Variants in PHF3 observed in about 807,000 individuals in gnomAD.
PHF3 encodes PHD finger protein 3.
A neutral mutation model predicts 178.4 loss-of-function variants in PHF3; 41 were observed. The observed-to-expected ratio is 0.23, with a 90% CI of 0.18 to 0.30. PHF3 has a LOEUF of 0.30. Among genes scored for constraint, PHF3 ranks in the 10% least tolerant of loss-of-function variants. PHF3 has a pLI of 1.00. For synonymous variants in PHF3, 842 were observed against 800.5 expected, an observed-to-expected ratio of 1.05 and a Z score of -0.88; for missense variants, 2,346 against 2,398.1, an observed-to-expected ratio of 0.98 and a Z score of 0.45.
intron 4 of PHF3, among the ~76,000 whole-genome samples, chr6:63,689,502 A>G (rs1766900615): frequency 6.6e-6 from 1 of 152,196 alleles, no homozygotes; most frequent in Non-Finnish European, 1.5e-5. Flanking sequence ...AACAAAAATG[A>G]TTTAATGTTT....
intron 2 of PHF3, chr6:63,678,989 A>G (rs766130672): frequency 1.2e-4 from 30 of 247,918 alleles, no homozygotes; most frequent in Admixed American, 2.8e-4. Flanking sequence ...CTCATACATC[A>G]TCTCACTTGA....
At position 63,635,860 on chromosome 6, in the gene PHF3, G is replaced by C; in HGVS notation, c.-316G>C. On this transcript the variant is annotated 5_prime_UTR_variant, in exon 1 of 16. Transcript: ENST00000262043. ...CCCGCGCCGCCGCCGCACGCCGATGGCTGCGGGGTCTCGCGCCGTCGCACC... is the reference window on the plus strand; with the variant it reads ...CCCGCGCCGCCGCCGCACGCCGATGCCTGCGGGGTCTCGCGCCGTCGCACC... 1 of 397,170 alleles carries C rather than the reference G, an allele frequency of 2.5e-6. No individual in the cohort carries two copies. Among genetic ancestry groups the C allele is most frequent in the Non-Finnish European group, 4.4e-6 (1 of 225,072 alleles). The allele number at this position is 397,170 out of a possible 1,614,324, so 24.6% of individuals were successfully genotyped here. A position where few individuals can be genotyped will look rare whatever the true frequency, so the allele number is the denominator to read the frequency against.
Position 63,711,627 on chromosome 6 carries a change from A to G in PHF3, c.4039A>G (p.Ile1347Val), listed in dbSNP as rs781711859. The G allele has an allele frequency of 1.3e-6, 2 of 1,598,214 alleles. No individual in the cohort carries two copies. The highest frequency in any genetic ancestry group is 2.3e-5 in the South Asian group (2 of 87,480). ...HRPNLLLGLI[I>V]RQKLKRQHSA... Reference sequence around the variant, plus strand: ...ACCTAATCTATTGTTGGGCTTAATTATTCGTCAGAAACTGAAGCGACAGCA... The same window carrying G: ...ACCTAATCTATTGTTGGGCTTAATTGTTCGTCAGAAACTGAAGCGACAGCA... Residue 1347 changes from isoleucine to valine, a missense_variant, in exon 16 of 16, where the codon ATT (isoleucine) becomes GTT (valine). Ile to Val is a conservative substitution (Grantham distance 29). Coordinates refer to ENST00000262043, the MANE Select transcript of PHF3 (RefSeq NM_001370348.2).
chr6:63,681,696 A>G (rs1023903460), intron 3 of PHF3, among the ~76,000 whole-genome samples: 1 of 152,036 alleles, frequency 6.6e-6, no homozygotes, highest in African/African-American at 2.4e-5. Context: ...CGTTTTAAAC[A>G]GTTTTTGTCT....
Position 63,721,545 on chromosome 6 carries a change from A to G in PHF3, c.*7837A>G. The G allele has an allele frequency of 1.3e-6, 2 of 1,551,758 alleles. No individual in the cohort carries two copies. Among genetic ancestry groups the G allele is most frequent in the Non-Finnish European group, 1.7e-6 (2 of 1,146,874 alleles). On this transcript the variant is annotated 3_prime_UTR_variant, in exon 16 of 16. Coordinates refer to ENST00000262043, the MANE Select transcript of PHF3 (RefSeq NM_001370348.2). ...TATTGCCATGGGATTTACAAGATTTAAAGAAGATACTCCTCCAATATAGAA... is the reference window on the plus strand; with the variant it reads ...TATTGCCATGGGATTTACAAGATTTGAAGAAGATACTCCTCCAATATAGAA...
chr6:63,650,963 T>C (rs539826386), intron 2 of PHF3, among the ~76,000 whole-genome samples: 39 of 152,320 alleles, frequency 2.6e-4, no homozygotes, highest in African/African-American at 9.4e-4. Context: ...GATCTCTGAA[T>C]CCAACTACAC....
chr6:63,653,565 T>A lies in PHF3; in HGVS notation c.244+6770T>A, dbSNP rs1004977831. Among the ~76,000 whole-genome samples the A allele has an allele frequency of 7.2e-5, 11 of 152,290 alleles. No homozygotes were observed. In the East Asian group the frequency reaches 2.1e-3, roughly 29 times the overall value. On this transcript the variant is annotated intron_variant, in intron 2 of 15. Transcript: ENST00000262043. ...ATCCTACAAGTTTAATGAATTTGTTTATAAGTTCTAACAGTGCAGATGTAC... is the reference window on the plus strand; with the variant it reads ...ATCCTACAAGTTTAATGAATTTGTTAATAAGTTCTAACAGTGCAGATGTAC...
chr6:63,712,345 T>C lies in PHF3; in HGVS notation c.4757T>C (p.Val1586Ala). The C allele has an allele frequency of 6.2e-7, 1 of 1,613,364 alleles. No individual in the cohort carries two copies. The highest frequency in any genetic ancestry group is 1.1e-5 in the South Asian group (1 of 91,006). The change falls in exon 16 of 16, where the codon GTG (valine) becomes GCG (alanine). Residue 1586 changes from valine to alanine, a missense_variant. Val to Ala is a moderately conservative substitution (Grantham distance 64). Coordinates refer to ENST00000262043, the MANE Select transcript of PHF3 (RefSeq NM_001370348.2). ...LSIQSKQEETVESKEKTLKRQ... is the reference protein window; with the variant it reads ...LSIQSKQEETAESKEKTLKRQ... ...ATTCAGTCAAAACAAGAGGAAACTG[T>C]GGAGAGTAAAGAGAAAACATTAAAA...
In PHF3 at chr6:63,663,138, G is replaced by T. The variant is rs894205610; in HGVS notation, c.244+16343G>T. ...GCCTCATAATTACTAATTTTTTTCTGTCAGGAAGCAAAGTAAATAATAAAA... is the reference window on the plus strand; with the variant it reads ...GCCTCATAATTACTAATTTTTTTCTTTCAGGAAGCAAAGTAAATAATAAAA... On this transcript the variant is annotated intron_variant, in intron 2 of 15. Coordinates refer to ENST00000262043, the MANE Select transcript of PHF3 (RefSeq NM_001370348.2). 2.0e-5 allele frequency among the ~76,000 whole-genome samples: 3 copies of T among 151,962 alleles called. No individual in the cohort carries two copies. The East Asian group carries it at 5.8e-4, about 29-fold the overall frequency.
At chr6:63,702,455 C>T in intron 9 of PHF3, 53 bp from the exon 10 acceptor site, 4 of 1,265,014 alleles carry the variant, frequency 3.2e-6, no homozygotes, top group Non-Finnish European at 4.3e-6. Flanking sequence ...AAGGTGTACA[C>T]TTGGAAATAC....
chr6:63,702,611 A>G lies in PHF3; in HGVS notation c.3203A>G (p.Lys1068Arg), dbSNP rs1352719589. The change falls in exon 10 of 16, where the codon AAA becomes AGA. Residue 1068 changes from lysine (K) to arginine (R), a missense_variant. By Grantham distance (26) the Lys-to-Arg change is conservative. This residue lies in a region of PHF3 where 205 missense variants were observed against 212.4 expected (regional missense o/e 0.97). Transcript: ENST00000262043. ...EIEIESDAPM[K>R]EQEAAMEIQE... is the part of the protein sequence containing the mutation. ...GAAATTGAGAGTGATGCCCCAATGAAAGAACAGGAAGCAGCCATGGAGATT... is the reference window on the plus strand; with the variant it reads ...GAAATTGAGAGTGATGCCCCAATGAGAGAACAGGAAGCAGCCATGGAGATT... The G allele has an allele frequency of 1.2e-6, 2 of 1,612,968 alleles. No individual in the cohort carries two copies. The highest frequency in any genetic ancestry group is 8.5e-7 in the Non-Finnish European group (1 of 1,179,366).
At chr6:63,672,285 C>T (rs879876738) in intron 2 of PHF3, among the ~76,000 whole-genome samples, 3 of 151,988 alleles carry the variant, frequency 2.0e-5, no homozygotes, top group Non-Finnish European at 4.4e-5. Context: ...GGAAGCAATC[C>T]ATAAAGTATT....
intron 4 of PHF3, among the ~76,000 whole-genome samples, chr6:63,690,739 G>A (rs1348986214): frequency 6.6e-6 from 1 of 152,128 alleles, no homozygotes; most frequent in Non-Finnish European, 1.5e-5. Flanking sequence ...CAAAGTTAAG[G>A]ATGGTTGTCT....
rs1582144696 is a variant in PHF3, at chr6:63,725,339, C to A, written c.*11631C>A. 6.6e-6 allele frequency among the ~76,000 whole-genome samples: 1 copy of A among 151,648 alleles called. No homozygotes were observed. Among genetic ancestry groups the A allele is most frequent in the East Asian group, 1.9e-4 (1 of 5,196 alleles). ...TTCATATACACAAACAAATATGTATCGTTGTACTGATTATAAAACTGTAGT... is the reference window on the plus strand; with the variant it reads ...TTCATATACACAAACAAATATGTATAGTTGTACTGATTATAAAACTGTAGT... On this transcript the variant is annotated 3_prime_UTR_variant, in exon 16 of 16. Transcript: ENST00000262043.
chr6:63,703,702 G>T, intron 11 of PHF3, 31 bp downstream of exon 11: 1 of 1,579,002 alleles, frequency 6.3e-7, no homozygotes, highest in Non-Finnish European at 8.6e-7. Flanking sequence ...GTAAAATTTT[G>T]CATTCATTAT....
At chr6:63,657,329 G>A (rs1428747668) in intron 2 of PHF3, among the ~76,000 whole-genome samples, 3 of 152,120 alleles carry the variant, frequency 2.0e-5, no homozygotes, top group Non-Finnish European at 4.4e-5. Context: ...GGGTCACAGA[G>A]CCCCCATTCT....
chr6:63,665,575 CT>C (rs1231348564), intron 2 of PHF3, among the ~76,000 whole-genome samples: 2 of 150,806 alleles, frequency 1.3e-5, no homozygotes, highest in African/African-American at 4.9e-5. Flanking sequence ...CAACCTCCGC[CT>C]CCGGCTTCAA....
chr6:63,688,554 C>T (rs573144422), intron 4 of PHF3, among the ~76,000 whole-genome samples: 4 of 151,304 alleles, frequency 2.6e-5, no homozygotes, highest in Admixed American at 6.6e-5. Context: ...AGGCTGGTCT[C>T]GAACTCCTGA....
rs1257611111 is a variant in PHF3, at chr6:63,713,262, A to C, written c.5674A>C (p.Arg1892=). ...QNFYQVKDIR[R]PERRHSDPWG... is the part of the protein sequence containing the mutation. ...TTTTTACCAGGTTAAAGACATTCGG[A>C]GGCCAGAAAGGCGCCATAGTGACCC... The change falls in exon 16 of 16, where the codon AGG becomes CGG. Residue 1892 remains arginine (R), a synonymous_variant. Transcript: ENST00000262043. 1 of 1,614,070 alleles carries C rather than the reference A, an allele frequency of 6.2e-7. No homozygotes were observed. Among genetic ancestry groups the C allele is most frequent in the East Asian group, 2.2e-5 (1 of 44,868 alleles).
Sources: gnomAD v4.1 joint callset for allele counts (sites outside exome capture counted in the v4.1 genomes callset) on GRCh38, gnomAD v4.1.1 for gene constraint, gnomAD v4.1.1 regional missense constraint, MANE v1.5 for transcripts, NCBI Gene and HGNC (gene_info 2026-07-23, HGNC 2026-07-21) for gene names.